Variants in ZNF521 observed in about 807,000 individuals in gnomAD.
ZNF521 encodes zinc finger protein 521, also known as LYST-interacting protein 3.
Under a neutral mutation model 105.5 loss-of-function variants are expected in ZNF521, and 14 were observed. The ratio of observed to expected loss-of-function variants is 0.13; its 90% CI spans 0.09 to 0.21. The LOEUF is 0.21. Ranked by LOEUF, ZNF521 falls within the 10% of genes least tolerant of loss-of-function variation. The probability of loss-of-function intolerance (pLI) is 1.00; values close to 1 mark genes in which losing one functional copy is unlikely to be tolerated. For synonymous variants in ZNF521, 635 were observed against 606.0 expected (o/e 1.05, Z -0.70); for missense variants, 1,233 against 1,629.7 (o/e 0.76, Z 4.19).
intron 3 of ZNF521, among the ~76,000 whole-genome samples, chr18:25,256,388 T>G (rs1197796325): frequency 1.3e-5 from 2 of 152,156 alleles, no homozygotes; most frequent in South Asian, 2.1e-4. Flanking sequence ...TATGTAAAAT[T>G]TTATGTTATG....
intron 2 of ZNF521, among the ~76,000 whole-genome samples, chr18:25,331,171 G>A (rs1467385154): frequency 1.3e-5 from 2 of 152,144 alleles, no homozygotes; most frequent in African/African-American, 4.8e-5. Flanking sequence ...AACAAAACCA[G>A]CTTCTGTAGT....
intron 2 of ZNF521, chr18:25,327,334 T>G (rs1421200379): frequency 5.5e-5 from 40 of 730,472 alleles, no homozygotes; most frequent in Non-Finnish European, 6.6e-5. Context: ...CATCTCAGGT[T>G]AACAACCATC....
At chr18:25,196,080 A>T (rs1012339161) in intron 4 of ZNF521, among the ~76,000 whole-genome samples, 1 of 151,770 alleles carries the variant, frequency 6.6e-6, no homozygotes, top group Non-Finnish European at 1.5e-5. Context: ...CCCAGTACCT[A>T]TTAGATGAAC....
At chr18:25,134,518 C>A (rs1490257679) in intron 5 of ZNF521, among the ~76,000 whole-genome samples, 1 of 152,138 alleles carries the variant, frequency 6.6e-6, no homozygotes, top group Non-Finnish European at 1.5e-5. Flanking sequence ...GCTTACTCTG[C>A]CTTCTACTAC....
In ZNF521 at chr18:25,226,491, A is replaced by G. The variant is rs1906138612; in HGVS notation, c.1427T>C (p.Val476Ala). 1 of 1,614,206 alleles carries G rather than the reference A, an allele frequency of 6.2e-7. No homozygotes were observed. Among genetic ancestry groups the G allele is most frequent in the Non-Finnish European group, 8.5e-7 (1 of 1,180,022 alleles). The change falls in exon 4 of 8, where the codon GTC becomes GCC. Residue 476 changes from valine to alanine, a missense_variant. Physicochemically the swap from Val to Ala is moderately conservative, Grantham distance 64. Coordinates refer to ENST00000361524, the MANE Select transcript of ZNF521 (RefSeq NM_015461.3). The surrounding 1 kb of genome is among the most constrained non-coding windows in gnomAD (Gnocchi z 4.1). The stretch of plus-strand genomic sequence containing the variant: ...TTCGGAACAGAAGTTACACTGGTAG[A>G]CAATGGCAGGCATGGCAGAAACAAT... ...GLIVSAMPAI[V>A]YQCNFCSEVV...
At chr18:25,265,576 G>A (rs117804326) in intron 3 of ZNF521, among the ~76,000 whole-genome samples, 1,985 of 152,158 alleles carry the variant, frequency 0.013, 20 homozygotes, top group Non-Finnish European at 0.018. Context: ...CCCTCAATAC[G>A]ACTGTTCTCC....
rs34154457 is a variant in ZNF521, at chr18:25,159,513, CA to C, written c.3658+35646del. On this transcript the variant is annotated intron_variant, in intron 5 of 7. Transcript: ENST00000361524. ...GCAGAGGAGAAACGACTAACACTAA[CA>C]AAAAAAAACCATAGATATTTTGGGT... Among the ~76,000 whole-genome samples, 485 of 151,092 alleles carry C rather than the reference CA, an allele frequency of 3.2e-3. 1 individual carries two copies. Among genetic ancestry groups the C allele is most frequent in the African/African-American group, 0.011 (464 of 41,216 alleles).
At chr18:25,333,653 G>A (rs1913716087) in intron 2 of ZNF521, among the ~76,000 whole-genome samples, 1 of 152,078 alleles carries the variant, frequency 6.6e-6, no homozygotes, top group Admixed American at 6.6e-5. Flanking sequence ...ACCAGTCCTT[G>A]GGACAACCTA....
rs71375177 is a variant in ZNF521 at position 25,322,553 on chromosome 18, AC to A, written c.41-367del. Among the ~76,000 whole-genome samples the A allele has an allele frequency of 3.3e-3, 401 of 122,238 alleles. 2 individuals carry two copies. The highest frequency in any genetic ancestry group is 9.1e-3 in the East Asian group (40 of 4,418). The allele number at this position is 122,238 out of a possible 152,430, so 80.2% of individuals were successfully genotyped here. A position where few individuals can be genotyped will look rare whatever the true frequency, so the allele number is the denominator to read the frequency against. On this transcript the variant is annotated intron_variant, in intron 2 of 7. Transcript: ENST00000361524. Reference sequence around the variant, plus strand: ...TCCAATGCAAAAAAAAAAAAAAAAAACCCCCCCACTGTGCTTAAGAATGAAC... The same window carrying A: ...TCCAATGCAAAAAAAAAAAAAAAAAACCCCCCACTGTGCTTAAGAATGAAC...
intron 2 of ZNF521, chr18:25,345,183 C>T (rs966122416): frequency 1.3e-5 from 2 of 152,178 alleles, no homozygotes; most frequent in African/African-American, 2.4e-5. Flanking sequence ...GAAAAGAAAT[C>T]TCCTACAAAT....
intron 3 of ZNF521, among the ~76,000 whole-genome samples, chr18:25,309,029 G>C (rs1394783556): frequency 6.6e-6 from 1 of 152,200 alleles, no homozygotes; most frequent in South Asian, 2.1e-4. Flanking sequence ...CCATCTGTGA[G>C]TGACCATTAG....
intron 4 of ZNF521, among the ~76,000 whole-genome samples, chr18:25,221,681 A>G (rs1157433258): frequency 6.6e-6 from 1 of 152,202 alleles, no homozygotes; most frequent in Non-Finnish European, 1.5e-5. Flanking sequence ...GATAAAATTT[A>G]TTCCTATATG....
intron 3 of ZNF521, among the ~76,000 whole-genome samples, chr18:25,231,131 GT>G (rs944724111): frequency 1.2e-4 from 18 of 152,262 alleles, no homozygotes; most frequent in African/African-American, 4.1e-4. Flanking sequence ...CAGCCTCTGT[GT>G]TTCTGCCAAA....
At chr18:25,312,286 T>A (rs1912350633) in intron 3 of ZNF521, among the ~76,000 whole-genome samples, 1 of 152,174 alleles carries the variant, frequency 6.6e-6, no homozygotes, top group Admixed American at 6.5e-5. Context: ...CCCACAAGCA[T>A]TCAAAGAGCT....
chr18:25,119,390 C>G (rs2034390301), intron 5 of ZNF521, among the ~76,000 whole-genome samples: 1 of 152,086 alleles, frequency 6.6e-6, no homozygotes, highest in Non-Finnish European at 1.5e-5. Flanking sequence ...GCACATAATA[C>G]ATTCATCAAG....
At chr18:25,189,234 G>A (rs1178455546) in intron 5 of ZNF521, among the ~76,000 whole-genome samples, 3 of 152,076 alleles carry the variant, frequency 2.0e-5, no homozygotes, top group Non-Finnish European at 4.4e-5. Context: ...GCCTTGGTAC[G>A]TTCCTGTGGC....
chr18:25,285,513 T>C (rs1910646907), intron 3 of ZNF521, among the ~76,000 whole-genome samples: 1 of 152,192 alleles, frequency 6.6e-6, no homozygotes, highest in Non-Finnish European at 1.5e-5. Flanking sequence ...GACATCAGTT[T>C]ACCCTTCATC....
intron 3 of ZNF521, among the ~76,000 whole-genome samples, chr18:25,303,242 GAA>G (rs11310309): frequency 2.0e-5 from 3 of 148,870 alleles, no homozygotes; most frequent in African/African-American, 7.4e-5. Context: ...AGAATTCTGT[GAA>G]AAAAAAAAGA....
At chr18:25,334,573 G>A (rs969156131) in intron 2 of ZNF521, among the ~76,000 whole-genome samples, 12 of 152,112 alleles carry the variant, frequency 7.9e-5, no homozygotes, top group African/African-American at 2.9e-4. Flanking sequence ...CCACACATAA[G>A]GTATTTGTCA....
Sources: gnomAD v4.1 joint callset for allele counts (sites outside exome capture counted in the v4.1 genomes callset) on GRCh38, gnomAD v4.1.1 for gene constraint, Gnocchi (gnomAD v3.1) non-coding constraint, MANE v1.5 for transcripts, NCBI Gene and HGNC (gene_info 2026-07-23, HGNC 2026-07-21) for gene names.